Variants in PDE2A observed in about 807,000 individuals in gnomAD.
The protein encoded by PDE2A is phosphodiesterase 2A, also known as cGMP-dependent 3',5'-cyclic phosphodiesterase.
PDE2A carries 53 observed loss-of-function variants against 133.6 expected under a neutral mutation model. That is an observed-to-expected ratio of 0.40 (90% confidence interval 0.32 to 0.50). The LOEUF (loss-of-function observed/expected upper bound fraction) is 0.50, where lower values mean the gene tolerates loss of function less well. Ranked by LOEUF, PDE2A falls within the 20% of genes least tolerant of loss-of-function variation. The pLI, the probability that PDE2A is intolerant of heterozygous loss-of-function variation, is 0.73. For synonymous variants in PDE2A, 491 were observed against 490.2 expected (o/e 1.00, Z -0.02); for missense variants, 796 against 1,232.4 (o/e 0.65, Z 5.30).
chr11:72,602,383 T>C (rs1481799916), intron 4 of PDE2A, among the ~76,000 whole-genome samples: 1 of 152,142 alleles, frequency 6.6e-6, no homozygotes, highest in Non-Finnish European at 1.5e-5. Context: ...CCTCCTTATC[T>C]GTCTCTATGA....
chr11:72,582,406 C>T, intron 21 of PDE2A, 38 bp downstream of exon 21: 1 of 1,603,090 alleles, frequency 6.2e-7, no homozygotes, highest in Non-Finnish European at 8.5e-7. Flanking sequence ...GGCTACATAC[C>T]TTCGGCCTGG....
chr11:72,584,602 C>T lies in PDE2A; in HGVS notation c.1486G>A (p.Gly496Ser), dbSNP rs756594292. The T allele has an allele frequency of 6.2e-7, 1 of 1,612,674 alleles. No homozygotes were observed. Among genetic ancestry groups the T allele is most frequent in the Admixed American group, 1.7e-5 (1 of 60,020 alleles). ...CAGAGGATGTTGCGCGTGCGGAAGC[C>T]GGTGCTGTCGTCCACGCCGCGGTAG... ...LFYRGVDDST[G>S]FRTRNILCFP... Residue 496 changes from glycine to serine, a missense_variant, in exon 18 of 31, where the codon GGC becomes AGC. Transcript: ENST00000334456.
At chr11:72,635,570 GGAAT>G (rs1341378670) in intron 2 of PDE2A, among the ~76,000 whole-genome samples, 1 of 152,182 alleles carries the variant, frequency 6.6e-6, no homozygotes, top group Non-Finnish European at 1.5e-5. Context: ...TGAGAGTCAA[GGAAT>G]GCTAGAATTG....
rs1374077604 is a variant in PDE2A, at chr11:72,590,497, C to T, written c.633G>A (p.Glu211=). 28 of 1,517,402 alleles carry T rather than the reference C, an allele frequency of 1.8e-5. No homozygotes were observed. The highest frequency in any genetic ancestry group is 2.2e-5 in the Non-Finnish European group (25 of 1,137,342). 94.0% of individuals were successfully genotyped at this position (1,517,402 alleles called of 1,614,324 possible). ...CGCCCTTCTGGTCTTCCGCCGTCCCCTCCGGGGGGTTCTGGACGGCTCGGG... is the reference window on the plus strand; with the variant it reads ...CGCCCTTCTGGTCTTCCGCCGTCCCTTCCGGGGGGTTCTGGACGGCTCGGG... The part of the protein sequence containing the change: ...EAPRAVQNPP[E]GTAEDQKGGA... The change falls in exon 8 of 31, where the codon GAG becomes GAA. Residue 211 remains glutamate (E), a synonymous_variant. Transcript: ENST00000334456. The surrounding 1 kb of genome is among the most constrained non-coding windows in gnomAD (Gnocchi z 4.8).
intron 2 of PDE2A, among the ~76,000 whole-genome samples, chr11:72,623,125 C>A (rs1025801739): frequency 2.6e-5 from 4 of 152,192 alleles, no homozygotes; most frequent in Admixed American, 2.6e-4. Context: ...ACGTCTTCAC[C>A]TCCCTCACCA....
At chr11:72,659,827 A>G (rs1855000923) in intron 1 of PDE2A, among the ~76,000 whole-genome samples, 1 of 152,090 alleles carries the variant, frequency 6.6e-6, no homozygotes, top group African/African-American at 2.4e-5. Context: ...CACCCACTCT[A>G]TGGGTTTCTG....
At position 72,666,536 on chromosome 11, in the gene PDE2A, A is replaced by G. The variant is rs77476980; in HGVS notation, c.71+7601T>C. Among the ~76,000 whole-genome samples, 1,043 of 152,186 alleles carry G rather than the reference A, an allele frequency of 6.9e-3. 12 individuals carry two copies. The highest frequency in any genetic ancestry group is 0.024 in the African/African-American group (1,002 of 41,528). ...CCCCTGAAGGAAGCCCAGCCCTTCA[A>G]GGGTCTCTACCTACAGGAAAGCGCG... On this transcript the variant is annotated intron_variant, in intron 1 of 30. Transcript: ENST00000334456.
rs376835526 is a variant in PDE2A at position 72,585,400 on chromosome 11, C to G, written c.1257G>C (p.Thr419=). The change falls in exon 16 of 31, where the codon ACG becomes ACC. Residue 419 remains threonine (T), a synonymous_variant. Coordinates refer to ENST00000334456, the MANE Select transcript of PDE2A (RefSeq NM_002599.5). ...CTGCGTTGCTGAGGTTTCTGGCCTC[C>G]GTGATGATCTCCTGGAGCAGGACAG... ...DVSVLLQEII[T]EARNLSNAEI... 5.6e-6 allele frequency: 9 copies of G among 1,613,988 alleles called. No individual in the cohort carries two copies. The African/African-American group carries it at 1.2e-4, about 22-fold the overall frequency.
intron 2 of PDE2A, among the ~76,000 whole-genome samples, chr11:72,626,885 C>T (rs1249750543): frequency 6.6e-6 from 1 of 152,200 alleles, no homozygotes. Flanking sequence ...CCTGCAGCCT[C>T]CTCTGGGGCT....
At chr11:72,642,114 G>T in intron 2 of PDE2A, 140 bp downstream of exon 2, 2 of 1,223,472 alleles carry the variant, frequency 1.6e-6, no homozygotes, top group Non-Finnish European at 2.1e-6. Context: ...CTTGGTCTGC[G>T]CTGCCGTCCC....
chr11:72,586,703 C>T (rs1855990247), intron 13 of PDE2A, among the ~76,000 whole-genome samples: 1 of 152,228 alleles, frequency 6.6e-6, no homozygotes. Flanking sequence ...ATCCTGCTCA[C>T]GTCATTCAAT....
At chr11:72,669,669 G>A (rs1334121571) in intron 1 of PDE2A, among the ~76,000 whole-genome samples, 1 of 152,170 alleles carries the variant, frequency 6.6e-6, no homozygotes, top group Admixed American at 6.5e-5. Context: ...CTGGGGCAGA[G>A]GGGGTAGGAG....
chr11:72,607,851 A>G (rs1268512400), intron 3 of PDE2A, among the ~76,000 whole-genome samples: 3 of 152,198 alleles, frequency 2.0e-5, no homozygotes, highest in African/African-American at 7.2e-5. Context: ...CTCCTCCTCC[A>G]GGAAGTCTTC....
chr11:72,583,634 G>A lies in PDE2A; in HGVS notation c.1651-119C>T, dbSNP rs186943122. 114 of 724,544 alleles carry A rather than the reference G, an allele frequency of 1.6e-4. No homozygotes were observed. In the African/African-American group the frequency reaches 1.9e-3, roughly 12 times the overall value. The allele number at this position is 724,544 out of a possible 1,614,324, so 44.9% of individuals were successfully genotyped here. ...CACTTCCTGTCCCATTCTGGCCCCA[G>A]TCAAAACCTTCAAGCTCCAGTCCAC... On this transcript the variant is annotated intron_variant, in intron 19 of 30. Coordinates refer to ENST00000334456, the MANE Select transcript of PDE2A (RefSeq NM_002599.5).
chr11:72,631,962 C>T (rs540878056), intron 2 of PDE2A, among the ~76,000 whole-genome samples: 2 of 152,168 alleles, frequency 1.3e-5, no homozygotes, highest in South Asian at 4.1e-4. Context: ...CAGCTGCTGG[C>T]CGCCATGCCA....
Position 72,642,133 on chromosome 11 carries a change from A to T in PDE2A, c.144+121T>A. 4.7e-6 allele frequency: 6 copies of T among 1,281,892 alleles called. No individual in the cohort carries two copies. In the South Asian group the frequency reaches 9.9e-5, roughly 21 times the overall value. 79.4% of individuals were successfully genotyped at this position (1,281,892 alleles called of 1,614,324 possible). A position where few individuals can be genotyped will look rare whatever the true frequency, so the allele number is the denominator to read the frequency against. ...GTCTGCGCTGCCGTCCCAGCACAGG[A>T]GTAGAATTCAGAACTAGAGGAGGGG... is the stretch of plus-strand genomic sequence containing the variant. On this transcript the variant is annotated intron_variant, in intron 2 of 30. Transcript: ENST00000334456.
chr11:72,583,056 A>G (rs999237298), intron 20 of PDE2A, among the ~76,000 whole-genome samples: 38 of 152,212 alleles, frequency 2.5e-4, no homozygotes, highest in Admixed American at 2.5e-3. Context: ...GGAATGGGAT[A>G]GATTATCAGC....
rs1193874707 is a variant in PDE2A at position 72,576,451 on chromosome 11, T to C, written c.*933A>G. The C allele has an allele frequency of 6.5e-6, 1 of 153,984 alleles. No individual in the cohort carries two copies. Among genetic ancestry groups the C allele is most frequent in the Non-Finnish European group, 1.5e-5 (1 of 68,246 alleles). The allele number at this position is 153,984 out of a possible 1,614,324, so 9.5% of individuals were successfully genotyped here. ...CCAGGTCTCTCACTGGCTGCAGGAA[T>C]GGGTAAGGGGCTCAGGCCAAGGGGA... On this transcript the variant is annotated 3_prime_UTR_variant, in exon 31 of 31. Coordinates refer to ENST00000334456, the MANE Select transcript of PDE2A (RefSeq NM_002599.5).
intron 6 of PDE2A, among the ~76,000 whole-genome samples, chr11:72,593,180 TACAC>T (rs111253499): frequency 1.3e-5 from 2 of 149,130 alleles, no homozygotes; most frequent in Admixed American, 6.7e-5. Context: ...ATGGAGGTGG[TACAC>T]ACACACACAC....
Sources: gnomAD v4.1 joint callset for allele counts (sites outside exome capture counted in the v4.1 genomes callset) on GRCh38, gnomAD v4.1.1 for gene constraint, Gnocchi (gnomAD v3.1) non-coding constraint, MANE v1.5 for transcripts, NCBI Gene and HGNC (gene_info 2026-07-23, HGNC 2026-07-21) for gene names.